NUSAP1: variants seen among roughly 807,000 people sequenced by gnomAD.
NUSAP1 encodes the protein nucleolar and spindle-associated protein 1.
In NUSAP1, 32 loss-of-function variants were observed where a neutral mutation model predicts 52.8. The ratio of observed to expected loss-of-function variants is 0.61; its 90% CI spans 0.46 to 0.81. The LOEUF (loss-of-function observed/expected upper bound fraction) is 0.81. NUSAP1 is among the 40% of genes least tolerant of loss of function. The pLI is 0.00. For synonymous variants in NUSAP1, 195 were observed against 183.1 expected (o/e 1.06, Z -0.52); for missense variants, 499 against 522.3 (o/e 0.96, Z 0.43).
At chr15:41,339,133 A>G (rs2048281397) in intron 1 of NUSAP1, among the ~76,000 whole-genome samples, 2 of 152,294 alleles carry the variant, frequency 1.3e-5, no homozygotes, top group South Asian at 4.1e-4. Context: ...AATTGGAGAG[A>G]AGGAAATTTC....
In NUSAP1 at chr15:41,380,112, C is replaced by A. The variant is rs753089189; in HGVS notation, c.1252C>A (p.Arg418Ser). Residue 418 changes from arginine to serine, a missense_variant, in exon 11 of 11, where the codon CGC (arginine) becomes AGC (serine). Transcript: ENST00000559596. ...TCTCAGGGAAGAGCAACGGAAGAAA[C>A]GCGAGCAAGAACGAAAGGAGAAGAA... ...LQTKEEQRKKREQERKEKKAK... is the reference protein window; with the variant it reads ...LQTKEEQRKKSEQERKEKKAK... 1 of 1,585,740 alleles carries A rather than the reference C, an allele frequency of 6.3e-7. No individual in the cohort carries two copies.
chr15:41,347,927 A>C (rs1051691099), intron 2 of NUSAP1, among the ~76,000 whole-genome samples: 1 of 152,152 alleles, frequency 6.6e-6, no homozygotes, highest in African/African-American at 2.4e-5. Context: ...GTTCACAACC[A>C]GCCTGGGCAA....
intron 6 of NUSAP1, 70 bp downstream of exon 6, chr15:41,358,328 C>T (rs976816927): frequency 1.7e-5 from 12 of 716,064 alleles, no homozygotes; most frequent in South Asian, 5.2e-5. Flanking sequence ...TATATAACAC[C>T]GTGGTTACAA....
intron 6 of NUSAP1, among the ~76,000 whole-genome samples, chr15:41,363,577 TGTCCAG>T (rs1161753373): frequency 6.6e-6 from 1 of 152,028 alleles, no homozygotes; most frequent in African/African-American, 2.4e-5. Flanking sequence ...CTCCCTATGT[TGTCCAG>T]GCTGGTCTCA....
intron 6 of NUSAP1, among the ~76,000 whole-genome samples, chr15:41,362,682 G>A (rs1023472582): frequency 5.9e-5 from 9 of 151,580 alleles, no homozygotes; most frequent in African/African-American, 1.5e-4. Context: ...TGCCTGCCTC[G>A]GCCTCCCAAA....
chr15:41,369,416 G>C (rs970259547), intron 7 of NUSAP1, among the ~76,000 whole-genome samples: 1 of 152,054 alleles, frequency 6.6e-6, no homozygotes, highest in South Asian at 2.1e-4. Flanking sequence ...GGGAGCCCGA[G>C]TTGGGTGGAT....
At chr15:41,349,738 GCA>G (rs1288080959) in intron 3 of NUSAP1, among the ~76,000 whole-genome samples, 2 of 149,944 alleles carry the variant, frequency 1.3e-5, no homozygotes, top group African/African-American at 2.5e-5. Context: ...TTTTTACAAA[GCA>G]CAGTCTTTTT....
At chr15:41,342,288 C>T (rs894535380) in intron 1 of NUSAP1, 98 bp from the exon 2 acceptor site, 4 of 777,582 alleles carry the variant, frequency 5.1e-6, no homozygotes, top group Admixed American at 2.3e-5. Flanking sequence ...ATGGTCTGAC[C>T]AGAGTACATT....
Position 41,365,600 on chromosome 15 carries a change from C to A in NUSAP1, c.848+11C>A. On this transcript the variant is annotated intron_variant, in intron 7 of 10. Coordinates refer to ENST00000559596, the MANE Select transcript of NUSAP1 (RefSeq NM_016359.5). Reference sequence around the variant, plus strand: ...TAAAACGGGTGTCAGGTAAAGAAATCACTCCAAAATGTAATCATGAACAAG... The same window carrying A: ...TAAAACGGGTGTCAGGTAAAGAAATAACTCCAAAATGTAATCATGAACAAG... The A allele has an allele frequency of 6.3e-7, 1 of 1,581,202 alleles. No individual in the cohort carries two copies. Among genetic ancestry groups the A allele is most frequent in the Non-Finnish European group, 8.6e-7 (1 of 1,160,090 alleles).
intron 4 of NUSAP1, 85 bp downstream of exon 4, chr15:41,351,214 G>A (rs2048766677): frequency 4.3e-6 from 6 of 1,388,916 alleles, no homozygotes; most frequent in African/African-American, 1.4e-5. Flanking sequence ...TCCTAGGACT[G>A]TTGTGACAAA....
intron 6 of NUSAP1, among the ~76,000 whole-genome samples, chr15:41,359,993 C>T (rs1429317952): frequency 6.6e-6 from 1 of 151,652 alleles, no homozygotes. Context: ...CAGTCTCACT[C>T]TGTCACCCAG....
intron 1 of NUSAP1, among the ~76,000 whole-genome samples, chr15:41,338,571 A>AC (rs2048257838): frequency 6.6e-6 from 1 of 152,064 alleles, no homozygotes; most frequent in African/African-American, 2.4e-5. Flanking sequence ...CAGTCTCCCT[A>AC]TTGGGCTTCC....
At chr15:41,362,666 G>A (rs56400990) in intron 6 of NUSAP1, among the ~76,000 whole-genome samples, 31,506 of 151,560 alleles carry the variant, frequency 0.21, 3,572 homozygotes, top group Non-Finnish European at 0.25. Context: ...TCCTGACCTC[G>A]TGATCTGCCT....
chr15:41,359,115 C>A (rs982539581), intron 6 of NUSAP1, among the ~76,000 whole-genome samples: 1 of 152,172 alleles, frequency 6.6e-6, no homozygotes, highest in South Asian at 2.1e-4. Context: ...GCAGGAAACA[C>A]ATTTTTAAAT....
chr15:41,362,565 C>T (rs1361122666), intron 6 of NUSAP1, among the ~76,000 whole-genome samples: 2 of 151,234 alleles, frequency 1.3e-5, no homozygotes, highest in East Asian at 1.9e-4. Context: ...GCTGGGACTA[C>T]GGGCGCCCGC....
At position 41,365,433 on chromosome 15, in the gene NUSAP1, C is replaced by A; in HGVS notation, c.692C>A (p.Thr231Asn). ...QQPINKGGVR[T>N]PVPPRGRLSV... ...CCCATCAATAAGGGAGGGGTCAGGA[C>A]TCCAGTACCTCCAAGAGGAAGACTC... The change falls in exon 7 of 11, where the codon ACT (threonine) becomes AAT (asparagine). Residue 231 changes from threonine (T) to asparagine (N), a missense_variant. Thr to Asn is a moderately conservative substitution (Grantham distance 65). Coordinates refer to ENST00000559596, the MANE Select transcript of NUSAP1 (RefSeq NM_016359.5). The A allele has an allele frequency of 1.2e-6, 2 of 1,612,760 alleles. No homozygotes were observed. Among genetic ancestry groups the A allele is most frequent in the Non-Finnish European group, 1.7e-6 (2 of 1,179,330 alleles).
chr15:41,379,487 G>A (rs996065322), intron 10 of NUSAP1, among the ~76,000 whole-genome samples: 41 of 152,200 alleles, frequency 2.7e-4, no homozygotes, highest in African/African-American at 9.1e-4. Context: ...AATAACAAGA[G>A]TTGGATTCAA....
At chr15:41,342,592 CT>C in intron 2 of NUSAP1, 138 bp downstream of exon 2, 1 of 637,312 alleles carries the variant, frequency 1.6e-6, no homozygotes, top group South Asian at 2.1e-5. Context: ...ACTCCTAGCA[CT>C]TTGGTAGGCA....
At chr15:41,378,427 T>G (rs2050062619) in intron 10 of NUSAP1, among the ~76,000 whole-genome samples, 1 of 152,140 alleles carries the variant, frequency 6.6e-6, no homozygotes, top group African/African-American at 2.4e-5. Context: ...TGGACCCTCG[T>G]GACACAGGGT....
Sources: allele counts gnomAD v4.1 joint callset (sites outside exome capture counted in the v4.1 genomes callset), GRCh38; gene constraint gnomAD v4.1.1; transcripts MANE v1.5; gene names NCBI Gene and HGNC (gene_info 2026-07-23, HGNC 2026-07-21).